The following ATL1 variants were observed in gnomAD, a reference collection of about 807,000 sequenced individuals.
ATL1 encodes atlastin-1.
In ATL1, 31 loss-of-function variants were observed where a neutral mutation model predicts 75.5. That is an observed-to-expected ratio of 0.41 (90% confidence interval 0.31 to 0.55). ATL1 has a LOEUF of 0.55. Ranked by LOEUF, ATL1 falls within the 20% of genes least tolerant of loss-of-function variation. The probability of loss-of-function intolerance (pLI) is 0.27; values close to 1 mark genes in which losing one functional copy is unlikely to be tolerated. For missense variants in ATL1, 405 were observed against 662.6 expected (o/e 0.61, Z 4.27); for synonymous variants, 226 against 233.3 (o/e 0.97, Z 0.28).
intron 1 of ATL1, chr14:50,572,148 T>TACAG: frequency 2.6e-6 from 1 of 391,360 alleles, no homozygotes; most frequent in South Asian, 2.2e-5. Context: ...CATGGTGTCT[T>TACAG]TTCCGTGGGC....
chr14:50,587,179 G>A (rs971216389), intron 1 of ATL1, among the ~76,000 whole-genome samples: 11 of 152,130 alleles, frequency 7.2e-5, no homozygotes, highest in African/African-American at 2.7e-4. Flanking sequence ...AGGGGATAAA[G>A]AAAGTGTGAA....
Position 50,614,463 on chromosome 14 carries a change from C to T in ATL1, c.814C>T (p.Pro272Ser). 6.2e-7 allele frequency: 1 copy of T among 1,613,978 alleles called. No homozygotes were observed. The highest frequency in any genetic ancestry group is 1.3e-5 in the African/African-American group (1 of 75,026). Residue 272 changes from proline to serine, a missense_variant, in exon 8 of 14, where the codon CCT (proline) becomes TCT (serine). Physicochemically the swap from Pro to Ser is moderately conservative, Grantham distance 74. Transcript: ENST00000358385. Reference sequence around the variant, plus strand: ...CATTTCCTGTTTTCTGCTACCTCATCCTGGCTTAAAAGTAGCTACCAATCC... The same window carrying T: ...CATTTCCTGTTTTCTGCTACCTCATTCTGGCTTAAAAGTAGCTACCAATCC... ...TNISCFLLPHPGLKVATNPNF... is the reference protein window; with the variant it reads ...TNISCFLLPHSGLKVATNPNF...
At chr14:50,596,932 G>T (rs140556074) in intron 6 of ATL1, among the ~76,000 whole-genome samples, 71 of 152,176 alleles carry the variant, frequency 4.7e-4, no homozygotes, top group African/African-American at 1.7e-3. Context: ...AAAGTAGGCT[G>T]GGCACATTGG....
At chr14:50,614,875 TAA>T in intron 8 of ATL1, among the ~76,000 whole-genome samples, 1 of 152,334 alleles carries the variant, frequency 6.6e-6, no homozygotes, top group Admixed American at 6.5e-5. Context: ...AATTCTGTAT[TAA>T]GTTATGTAAT....
intron 1 of ATL1, among the ~76,000 whole-genome samples, chr14:50,565,041 C>T (rs1415041859): frequency 2.0e-5 from 3 of 152,086 alleles, no homozygotes; most frequent in South Asian, 2.1e-4. Context: ...AATCCCAGAA[C>T]TTTGGGAGGC....
chr14:50,632,374 T>A lies in ATL1; in HGVS notation c.*35T>A, dbSNP rs372904465. ...TAAGAAATACAGGTGCATGACCAATTGTCAATTAAATATTCAGTTTTATGT... is the reference window on the plus strand; with the variant it reads ...TAAGAAATACAGGTGCATGACCAATAGTCAATTAAATATTCAGTTTTATGT... On this transcript the variant is annotated 3_prime_UTR_variant, in exon 14 of 14. Transcript: ENST00000358385. 2.9e-6 allele frequency: 4 copies of A among 1,383,060 alleles called. No homozygotes were observed. The highest frequency in any genetic ancestry group is 4.1e-6 in the Non-Finnish European group (4 of 973,852). 85.7% of individuals were successfully genotyped at this position (1,383,060 alleles called of 1,614,324 possible).
chr14:50,538,785 G>T (rs1351339614), intron 1 of ATL1, among the ~76,000 whole-genome samples: 1 of 152,184 alleles, frequency 6.6e-6, no homozygotes, highest in East Asian at 1.9e-4. Context: ...ATCTATTGGT[G>T]ATTCGCTTAA....
intron 11 of ATL1, among the ~76,000 whole-genome samples, chr14:50,626,735 A>C (rs1258042495): frequency 6.6e-6 from 1 of 152,216 alleles, no homozygotes; most frequent in Non-Finnish European, 1.5e-5. Flanking sequence ...TATCACCTTA[A>C]TATTTCTTTA....
At chr14:50,629,354 G>T (rs992929057) in intron 12 of ATL1, among the ~76,000 whole-genome samples, 2 of 152,058 alleles carry the variant, frequency 1.3e-5, no homozygotes, top group Non-Finnish European at 2.9e-5. Context: ...GGCCAAAGTG[G>T]GCGGATCATC....
chr14:50,625,396 CAGA>C (rs2140236675), intron 11 of ATL1, among the ~76,000 whole-genome samples: 1 of 152,260 alleles, frequency 6.6e-6, no homozygotes, highest in South Asian at 2.1e-4. Context: ...GCAAGTTATC[CAGA>C]AGATCTACCT....
intron 1 of ATL1, among the ~76,000 whole-genome samples, chr14:50,569,211 T>C (rs2038932641): frequency 6.6e-6 from 1 of 151,450 alleles, no homozygotes; most frequent in African/African-American, 2.4e-5. Context: ...AATGCAAAAA[T>C]TATCCAGGTG....
At chr14:50,587,280 T>TA (rs1450294290) in intron 1 of ATL1, among the ~76,000 whole-genome samples, 1 of 152,212 alleles carries the variant, frequency 6.6e-6, no homozygotes, top group East Asian at 1.9e-4. Context: ...TGCACTGACT[T>TA]AGAGTTTTCT....
intron 1 of ATL1, among the ~76,000 whole-genome samples, chr14:50,550,919 G>A (rs2038694576): frequency 6.6e-6 from 1 of 152,104 alleles, no homozygotes; most frequent in South Asian, 2.1e-4. Context: ...GAAGGTCATA[G>A]CATTAAATGC....
chr14:50,533,460 C>T (rs745836661), intron 1 of ATL1: 1 of 152,126 alleles, frequency 6.6e-6, no homozygotes, highest in Non-Finnish European at 1.5e-5. Context: ...TCTTAAAATA[C>T]TTAACAATGC....
At chr14:50,562,931 C>T (rs994087747) in intron 1 of ATL1, among the ~76,000 whole-genome samples, 3 of 152,122 alleles carry the variant, frequency 2.0e-5, no homozygotes, top group African/African-American at 7.2e-5. Flanking sequence ...CATTTAGTAA[C>T]AGCAATAGTA....
intron 1 of ATL1, among the ~76,000 whole-genome samples, chr14:50,565,986 T>C (rs1036265089): frequency 6.6e-6 from 1 of 151,996 alleles, no homozygotes; most frequent in Non-Finnish European, 1.5e-5. Flanking sequence ...GGACAACCTG[T>C]TTTGTTTTGT....
At chr14:50,546,653 C>A (rs1424295548) in intron 1 of ATL1, among the ~76,000 whole-genome samples, 1 of 152,028 alleles carries the variant, frequency 6.6e-6, no homozygotes, top group Non-Finnish European at 1.5e-5. Flanking sequence ...TTTATATTTG[C>A]CTCTGCTAGA....
At chr14:50,595,037 G>C (rs1202229947) in intron 5 of ATL1, among the ~76,000 whole-genome samples, 1 of 147,974 alleles carries the variant, frequency 6.8e-6, no homozygotes, top group Non-Finnish European at 1.5e-5. Context: ...AAAAGAAAAA[G>C]AAAAAAGACA....
intron 1 of ATL1, 132 bp downstream of exon 1, chr14:50,560,431 G>A (rs1002197713): frequency 2.4e-6 from 3 of 1,226,128 alleles, no homozygotes; most frequent in Non-Finnish European, 3.5e-6. Flanking sequence ...GGCCGTAGCC[G>A]AGCCGCTCCC....
Sources: allele counts gnomAD v4.1 joint callset (sites outside exome capture counted in the v4.1 genomes callset), GRCh38; gene constraint gnomAD v4.1.1; transcripts MANE v1.5; gene names NCBI Gene and HGNC (gene_info 2026-07-23, HGNC 2026-07-21).